The following MAN1A2 variants were observed in gnomAD, a reference collection of about 807,000 sequenced individuals.
MAN1A2 encodes mannosidase alpha class 1A member 2.
MAN1A2 carries 26 observed loss-of-function variants against 75.7 expected under a neutral mutation model. The observed-to-expected ratio is 0.34, with a 90% confidence interval of 0.25 to 0.48. The LOEUF (loss-of-function observed/expected upper bound fraction) is 0.48. Among genes scored for constraint, MAN1A2 ranks in the 20% least tolerant of loss-of-function variants. The pLI, the probability that MAN1A2 is intolerant of heterozygous loss-of-function variation, is 0.99. For synonymous variants in MAN1A2, 247 were observed against 264.6 expected, an observed-to-expected ratio of 0.93 and a Z score of 0.65; for missense variants, 562 against 775.5, an observed-to-expected ratio of 0.72 and a Z score of 3.27.
intron 8 of MAN1A2, 108 bp downstream of exon 8, chr1:117,466,535 C>A: frequency 1.6e-6 from 1 of 644,904 alleles, no homozygotes; most frequent in South Asian, 2.4e-5. Flanking sequence ...CCCTCAGTGT[C>A]TAACCTTGTG....
intron 2 of MAN1A2, among the ~76,000 whole-genome samples, chr1:117,403,757 TA>T (rs1460034147): frequency 2.0e-5 from 3 of 152,196 alleles, no homozygotes; most frequent in African/African-American, 7.2e-5. Flanking sequence ...ATACCTTTTA[TA>T]TTTTTTTTCT....
chr1:117,400,562 C>CT (rs1647389959), intron 1 of MAN1A2, among the ~76,000 whole-genome samples: 1 of 151,504 alleles, frequency 6.6e-6, no homozygotes, highest in South Asian at 2.1e-4. Flanking sequence ...CACCATCCCT[C>CT]TTTTTTGTCT....
chr1:117,456,239 C>T (rs1007721138), intron 6 of MAN1A2, among the ~76,000 whole-genome samples: 4 of 151,830 alleles, frequency 2.6e-5, no homozygotes, highest in Non-Finnish European at 5.9e-5. Context: ...TTTGGTAGTC[C>T]ATAAGGTAAA....
At chr1:117,483,554 G>A (rs182241158) in intron 8 of MAN1A2, among the ~76,000 whole-genome samples, 3 of 152,090 alleles carry the variant, frequency 2.0e-5, no homozygotes, top group African/African-American at 7.2e-5. Flanking sequence ...TGTTAGTGGT[G>A]TACAGAAATG....
intron 1 of MAN1A2, among the ~76,000 whole-genome samples, chr1:117,392,959 C>T (rs17037233): frequency 0.011 from 1,730 of 152,260 alleles, 64 homozygotes; most frequent in East Asian, 0.072. Flanking sequence ...ATGTGGCCAA[C>T]CAATTCATAT....
At chr1:117,515,104 C>A (rs780200051) in intron 12 of MAN1A2, 2 of 264,182 alleles carry the variant, frequency 7.6e-6, no homozygotes, top group African/African-American at 2.2e-5. Flanking sequence ...AATAAAAGTA[C>A]AAAGTATATA....
chr1:117,398,433 G>A (rs1352006202), intron 1 of MAN1A2, among the ~76,000 whole-genome samples: 4 of 152,144 alleles, frequency 2.6e-5, no homozygotes, highest in Admixed American at 2.6e-4. Flanking sequence ...CAGCACTTTG[G>A]GAGCCTGAGG....
intron 7 of MAN1A2, among the ~76,000 whole-genome samples, chr1:117,461,522 T>G (rs1649820716): frequency 6.6e-6 from 1 of 152,164 alleles, no homozygotes; most frequent in African/African-American, 2.4e-5. Context: ...TGATTTGTTG[T>G]ATATTTCAAA....
rs1370101170 is a variant in MAN1A2, at chr1:117,523,974, A to G, written c.*1017A>G. On this transcript the variant is annotated 3_prime_UTR_variant, in exon 13 of 13. Coordinates refer to ENST00000356554, the MANE Select transcript of MAN1A2 (RefSeq NM_006699.5). ...CTAAATTTGCCTTGATAAGCTAAAT[A>G]AATTACTTTTATAACTTACTAAAGC... 2 of 152,294 alleles carry G rather than the reference A, an allele frequency of 1.3e-5. No individual in the cohort carries two copies. Among genetic ancestry groups the G allele is most frequent in the Non-Finnish European group, 2.9e-5 (2 of 67,848 alleles). 9.4% of individuals were successfully genotyped at this position (152,294 alleles called of 1,614,324 possible).
intron 1 of MAN1A2, among the ~76,000 whole-genome samples, chr1:117,372,907 T>C (rs1653013896): frequency 6.6e-6 from 1 of 152,146 alleles, no homozygotes; most frequent in Non-Finnish European, 1.5e-5. Context: ...AATTGAATAC[T>C]TGAGGGTCAG....
chr1:117,416,092 GTATT>G (rs1194761875), intron 4 of MAN1A2, among the ~76,000 whole-genome samples: 1 of 151,628 alleles, frequency 6.6e-6, no homozygotes, highest in Non-Finnish European at 1.5e-5. Context: ...TTTTGCTTTT[GTATT>G]TAGTCTTTAA....
At chr1:117,387,993 C>T (rs1653593890) in intron 1 of MAN1A2, among the ~76,000 whole-genome samples, 1 of 149,520 alleles carries the variant, frequency 6.7e-6, no homozygotes, top group Non-Finnish European at 1.5e-5. Context: ...ATACCCCCTC[C>T]CCCTATCATC....
At chr1:117,514,061 C>T (rs1651628682) in intron 12 of MAN1A2, among the ~76,000 whole-genome samples, 1 of 152,080 alleles carries the variant, frequency 6.6e-6, no homozygotes, top group Non-Finnish European at 1.5e-5. Context: ...TCCAACATTT[C>T]TATGTTTGGA....
chr1:117,412,538 T>C (rs575831297), intron 3 of MAN1A2, among the ~76,000 whole-genome samples: 14 of 151,904 alleles, frequency 9.2e-5, no homozygotes, highest in African/African-American at 3.4e-4. Flanking sequence ...ATTTGTTTTT[T>C]CTTTCTTAGA....
intron 8 of MAN1A2, among the ~76,000 whole-genome samples, chr1:117,467,126 A>G (rs139076739): frequency 4.6e-5 from 7 of 152,278 alleles, no homozygotes; most frequent in African/African-American, 1.7e-4. Flanking sequence ...GTAACAACTA[A>G]TATTTCTGTG....
chr1:117,402,435 T>G lies in MAN1A2; in HGVS notation c.552T>G (p.Ile184Met), dbSNP rs762327862. ...ACATAAGAGAGAAAAGGGAAAAAATTAAAGAGGTAATAAGCTGAGTTTTGT... is the reference window on the plus strand; with the variant it reads ...ACATAAGAGAGAAAAGGGAAAAAATGAAAGAGGTAATAAGCTGAGTTTTGT... ...DNDIREKREKIKEMMKHAWDN... is the reference protein window; with the variant it reads ...DNDIREKREKMKEMMKHAWDN... Residue 184 changes from isoleucine to methionine, a missense_variant, in exon 2 of 13, where the codon ATT becomes ATG. Around this residue, in one of 2 missense-constraint regions of MAN1A2, gnomAD observed 434 missense variants for 645.7 expected, o/e 0.67. Coordinates refer to ENST00000356554, the MANE Select transcript of MAN1A2 (RefSeq NM_006699.5). The G allele has an allele frequency of 6.3e-7, 1 of 1,592,768 alleles. No homozygotes were observed. Among genetic ancestry groups the G allele is most frequent in the African/African-American group, 1.4e-5 (1 of 73,344 alleles).
At position 117,523,128 on chromosome 1, in the gene MAN1A2, T is replaced by G; in HGVS notation, c.*171T>G. On this transcript the variant is annotated 3_prime_UTR_variant, in exon 13 of 13. Coordinates refer to ENST00000356554, the MANE Select transcript of MAN1A2 (RefSeq NM_006699.5). ...GTAGATACATCAACTTTGAAATTAT[T>G]CCATTTTATACCTGACCAAAACATG... 1.3e-6 allele frequency: 1 copy of G among 747,250 alleles called. No individual in the cohort carries two copies. The highest frequency in any genetic ancestry group is 2.4e-6 in the Non-Finnish European group (1 of 424,398). 46.3% of individuals were successfully genotyped at this position (747,250 alleles called of 1,614,324 possible).
At chr1:117,426,846 T>C (rs1476723175) in intron 5 of MAN1A2, among the ~76,000 whole-genome samples, 2 of 152,212 alleles carry the variant, frequency 1.3e-5, no homozygotes, top group African/African-American at 4.8e-5. Flanking sequence ...CATTATCTTA[T>C]AGCTTGCATA....
chr1:117,403,285 C>T (rs533446134), intron 2 of MAN1A2, among the ~76,000 whole-genome samples: 15 of 152,216 alleles, frequency 9.9e-5, no homozygotes, highest in African/African-American at 3.6e-4. Context: ...TAAGCTTAGC[C>T]TTATGAATTA....
Sources: gnomAD v4.1 joint callset for allele counts (sites outside exome capture counted in the v4.1 genomes callset) on GRCh38, gnomAD v4.1.1 for gene constraint, gnomAD v4.1.1 regional missense constraint, MANE v1.5 for transcripts, NCBI Gene and HGNC (gene_info 2026-07-23, HGNC 2026-07-21) for gene names.